The following PPP2R1B variants were observed in gnomAD, a reference collection of about 807,000 sequenced individuals.
PPP2R1B encodes protein phosphatase 2 scaffold subunit Abeta, also known as serine/threonine-protein phosphatase 2A 65 kDa regulatory subunit A beta isoform.
PPP2R1B carries 58 observed loss-of-function variants against 72.7 expected under a neutral mutation model. That is an observed-to-expected ratio of 0.80 (90% CI 0.65 to 0.99). PPP2R1B has a LOEUF of 0.99. PPP2R1B is among the 50% of genes least tolerant of loss of function. PPP2R1B has a pLI of 0.00. For synonymous variants in PPP2R1B, 256 were observed against 264.6 expected (o/e 0.97, Z 0.32); for missense variants, 695 against 733.6 (o/e 0.95, Z 0.61).
At chr11:111,735,087 A>G (rs1391960931), downstream of PPP2R1B, among the ~76,000 whole-genome samples, 1 of 152,236 alleles carries the variant, frequency 6.6e-6, no homozygotes, top group Non-Finnish European at 1.5e-5. Context: ...GGAAAAAACC[A>G]GAAACAAGAG....
chr11:111,738,810 C>A lies in PPP2R1B; in HGVS notation c.*2786G>T, dbSNP rs1487576760. 43 of 985,136 alleles carry A rather than the reference C, an allele frequency of 4.4e-5. No individual in the cohort carries two copies. Among genetic ancestry groups the A allele is most frequent in the Non-Finnish European group, 4.9e-5 (41 of 829,948 alleles). The allele number at this position is 985,136 out of a possible 1,614,324, so 61.0% of individuals were successfully genotyped here. A position where few individuals can be genotyped will look rare whatever the true frequency, so the allele number is the denominator to read the frequency against. ...AAACCTGTGAGGGGTAAACCCCACA[C>A]AAATTACAGAGAGAAACACCAAGGT... On this transcript the variant is annotated 3_prime_UTR_variant, in exon 15 of 15. Coordinates refer to ENST00000527614, the MANE Select transcript of PPP2R1B (RefSeq NM_002716.5).
In PPP2R1B at chr11:111,766,059, A is replaced by C. The variant is rs1591719740; in HGVS notation, c.114+189T>G. On this transcript the variant is annotated intron_variant, in intron 1 of 14. Coordinates refer to ENST00000527614, the MANE Select transcript of PPP2R1B (RefSeq NM_002716.5). ...GGGGTCCGAAGCAAGGTTACTAGAG[A>C]GGTACCCGGGAGGGTCGGGGCGTGT... 30 of 622,532 alleles carry C rather than the reference A, an allele frequency of 4.8e-5. No homozygotes were observed. In the East Asian group the frequency reaches 8.5e-4, roughly 18 times the overall value. The allele number at this position is 622,532 out of a possible 1,614,324, so 38.6% of individuals were successfully genotyped here.
the PPP2R1B span, among the ~76,000 whole-genome samples, chr11:111,721,388 A>C: frequency 6.6e-6 from 1 of 152,192 alleles, no homozygotes; most frequent in Non-Finnish European, 1.5e-5. Flanking sequence ...CAAATGAAAA[A>C]TACACAAATG....
At chr11:111,693,089 T>G in the PPP2R1B span, among the ~76,000 whole-genome samples, 2 of 152,002 alleles carry the variant, frequency 1.3e-5, no homozygotes, top group African/African-American at 2.4e-5. Flanking sequence ...ATCCCAGCAC[T>G]TTGAGGGGCC....
intron 2 of PPP2R1B, 92 bp from the exon 3 acceptor site, chr11:111,764,997 C>G (rs2136121712): frequency 6.5e-7 from 1 of 1,531,280 alleles, no homozygotes; most frequent in East Asian, 2.4e-5. Flanking sequence ...ACTATGCGAC[C>G]AGGAAGGTGA....
intron 12 of PPP2R1B, 35 bp from the exon 13 acceptor site, chr11:111,742,700 C>T: frequency 6.6e-7 from 1 of 1,519,402 alleles, no homozygotes; most frequent in East Asian, 2.3e-5. Context: ...ATTTAAAATA[C>T]TTTAAAAAAT....
chr11:111,763,011 A>G (rs188076150), intron 3 of PPP2R1B, among the ~76,000 whole-genome samples: 23 of 152,364 alleles, frequency 1.5e-4, no homozygotes, highest in African/African-American at 5.1e-4. Flanking sequence ...ACAACAATCA[A>G]TCAAGAAAAT....
the PPP2R1B span, chr11:111,701,101 C>T: frequency 2.0e-6 from 3 of 1,470,608 alleles, no homozygotes; most frequent in Non-Finnish European, 2.7e-6. The surrounding 1 kb of genome is among the most constrained non-coding windows in gnomAD (Gnocchi z 4.2). Flanking sequence ...GTACTTAACA[C>T]ATAAGCAGTA....
chr11:111,716,475 G>T, the PPP2R1B span, among the ~76,000 whole-genome samples: 2 of 152,164 alleles, frequency 1.3e-5, no homozygotes, highest in Non-Finnish European at 2.9e-5. Flanking sequence ...TACTGAGGAG[G>T]CTGAGGCAGG....
At chr11:111,718,933 G>C in the PPP2R1B span, 1 of 152,308 alleles carries the variant, frequency 6.6e-6, no homozygotes, top group African/African-American at 2.4e-5. Flanking sequence ...CCCCATGCCA[G>C]TATGCTGTTC....
At chr11:111,759,393 T>C (rs2136103448) in intron 5 of PPP2R1B, among the ~76,000 whole-genome samples, 1 of 152,334 alleles carries the variant, frequency 6.6e-6, no homozygotes, top group East Asian at 1.9e-4. Context: ...CATACACTAC[T>C]ATAGAAGAAG....
chr11:111,727,122 A>G (rs1352220359), intron 15 of PPP2R1B: 7 of 1,430,708 alleles, frequency 4.9e-6, no homozygotes, highest in Non-Finnish European at 6.9e-6. Flanking sequence ...TCCCGGTGAC[A>G]CTGACCGTCC....
At chr11:111,765,010 C>T (rs1945469796) in intron 2 of PPP2R1B, 105 bp from the exon 3 acceptor site, 5 of 1,496,728 alleles carry the variant, frequency 3.3e-6, no homozygotes, top group Non-Finnish European at 4.5e-6. Flanking sequence ...GAAGGTGACC[C>T]AGTCAAAATC....
the PPP2R1B span, chr11:111,712,081 C>A: frequency 1.0e-6 from 1 of 972,886 alleles, no homozygotes; most frequent in Admixed American, 2.4e-5. Flanking sequence ...CTAAATCTTT[C>A]TGGAGTTTCC....
At chr11:111,694,920 G>A in the PPP2R1B span, among the ~76,000 whole-genome samples, 3 of 152,156 alleles carry the variant, frequency 2.0e-5, no homozygotes, top group Admixed American at 6.5e-5. Context: ...TTGGTCAGCA[G>A]GATCACATTT....
chr11:111,744,564 T>C (rs1944637539), intron 11 of PPP2R1B, among the ~76,000 whole-genome samples: 1 of 152,204 alleles, frequency 6.6e-6, no homozygotes, highest in South Asian at 2.1e-4. Context: ...TGGTGTCACT[T>C]CACTTTACAG....
At chr11:111,756,532 TTA>T (rs1439454058) in intron 5 of PPP2R1B, among the ~76,000 whole-genome samples, 1 of 152,224 alleles carries the variant, frequency 6.6e-6, no homozygotes, top group Non-Finnish European at 1.5e-5. Flanking sequence ...CTTAGAAAGC[TTA>T]GTTTTCAAAA....
chr11:111,738,278 A>G lies in PPP2R1B; in HGVS notation c.*3318T>C. 1 of 985,456 alleles carries G rather than the reference A, an allele frequency of 1.0e-6. No homozygotes were observed. Among genetic ancestry groups the G allele is most frequent in the Non-Finnish European group, 1.2e-6 (1 of 829,968 alleles). The allele number at this position is 985,456 out of a possible 1,614,324, so 61.0% of individuals were successfully genotyped here. ...GAAAAATAAGAAGCTTTACGATAAG[A>G]GTGTCACCATTTTTAAAAGTCAGAG... On this transcript the variant is annotated 3_prime_UTR_variant, in exon 15 of 15. Coordinates refer to ENST00000527614, the MANE Select transcript of PPP2R1B (RefSeq NM_002716.5).
the PPP2R1B span, among the ~76,000 whole-genome samples, chr11:111,705,398 A>G: frequency 2.0e-5 from 3 of 152,230 alleles, no homozygotes; most frequent in Non-Finnish European, 4.4e-5. The surrounding 1 kb of genome is among the most constrained non-coding windows in gnomAD (Gnocchi z 4.3). Flanking sequence ...CTTTACATTC[A>G]ATTCCATTTA....
Sources: allele counts gnomAD v4.1 joint callset (sites outside exome capture counted in the v4.1 genomes callset), GRCh38; gene constraint gnomAD v4.1.1; non-coding constraint Gnocchi (gnomAD v3.1); transcripts MANE v1.5; gene names NCBI Gene and HGNC (gene_info 2026-07-23, HGNC 2026-07-21).